GRIK2: variants seen among roughly 807,000 people sequenced by gnomAD.
The protein encoded by GRIK2 is glutamate receptor ionotropic, kainate 2.
Under a neutral mutation model 100.3 loss-of-function variants are expected in GRIK2, and 32 were observed. That is an observed-to-expected ratio of 0.32 (90% CI 0.24 to 0.43). GRIK2 has a LOEUF of 0.43. Among genes scored for constraint, GRIK2 ranks in the 20% least tolerant of loss-of-function variants. GRIK2 has a pLI of 1.00. For missense variants in GRIK2, 843 were observed against 1,114.9 expected, an observed-to-expected ratio of 0.76 and a Z score of 3.47; for synonymous variants, 417 against 389.4, an observed-to-expected ratio of 1.07 and a Z score of -0.83.
chr6:101,422,503 G>T (rs1485239293), intron 2 of GRIK2, among the ~76,000 whole-genome samples: 1 of 151,992 alleles, frequency 6.6e-6, no homozygotes, highest in Non-Finnish European at 1.5e-5. Context: ...GCATCATTAT[G>T]GTTCTGATTC....
intron 7 of GRIK2, among the ~76,000 whole-genome samples, chr6:101,695,103 C>T (rs1772386011): frequency 6.6e-6 from 1 of 151,882 alleles, no homozygotes; most frequent in African/African-American, 2.4e-5. Context: ...ATACCTAAGA[C>T]TAGATAATTA....
At chr6:101,488,887 T>C (rs904271873) in intron 2 of GRIK2, among the ~76,000 whole-genome samples, 6 of 145,884 alleles carry the variant, frequency 4.1e-5, no homozygotes, top group Non-Finnish European at 1.5e-5. Flanking sequence ...ACTATTGGAG[T>C]TTTCTTTATA....
intron 7 of GRIK2, among the ~76,000 whole-genome samples, chr6:101,692,674 A>T (rs1451128021): frequency 3.9e-5 from 6 of 152,042 alleles, no homozygotes; most frequent in African/African-American, 1.4e-4. Flanking sequence ...ATAGCAAGAG[A>T]CACACATATA....
chr6:102,035,633 T>C (rs2114428020), intron 15 of GRIK2, 67 bp downstream of exon 15: 3 of 913,056 alleles, frequency 3.3e-6, no homozygotes, highest in East Asian at 2.4e-5. Context: ...AGGGGAAAAA[T>C]AGTGTGTCCA....
intron 14 of GRIK2, among the ~76,000 whole-genome samples, chr6:101,954,905 T>A (rs753142666): frequency 6.6e-6 from 1 of 152,176 alleles, no homozygotes; most frequent in African/African-American, 2.4e-5. Context: ...TGCTTTTCAA[T>A]CACTCCAGAG....
At chr6:101,760,970 T>C (rs1291510761) in intron 7 of GRIK2, among the ~76,000 whole-genome samples, 2 of 151,912 alleles carry the variant, frequency 1.3e-5, no homozygotes, top group Admixed American at 1.3e-4. Context: ...GTAATAAGAA[T>C]CAAATGTCAG....
intron 7 of GRIK2, among the ~76,000 whole-genome samples, chr6:101,700,344 G>A (rs924854884): frequency 1.3e-5 from 2 of 151,614 alleles, no homozygotes; most frequent in African/African-American, 2.4e-5. Flanking sequence ...GAATTTGGGG[G>A]AAGATAGGGC....
chr6:102,031,513 T>C (rs1207271567), intron 14 of GRIK2, among the ~76,000 whole-genome samples: 2 of 151,406 alleles, frequency 1.3e-5, no homozygotes, highest in African/African-American at 4.8e-5. Context: ...TGTGCAGTTT[T>C]GTTACATGGG....
chr6:101,428,777 G>A (rs2128242196), intron 2 of GRIK2, among the ~76,000 whole-genome samples: 1 of 152,246 alleles, frequency 6.6e-6, no homozygotes, highest in East Asian at 1.9e-4. Flanking sequence ...CTCTCCTAAG[G>A]AACGTTAAGT....
chr6:101,872,449 C>A (rs1785489014), intron 11 of GRIK2, among the ~76,000 whole-genome samples: 1 of 151,900 alleles, frequency 6.6e-6, no homozygotes, highest in South Asian at 2.1e-4. Flanking sequence ...ACCATCAGAT[C>A]ATGAGAACTC....
At chr6:101,604,877 C>A (rs1484234445) in intron 2 of GRIK2, among the ~76,000 whole-genome samples, 4 of 151,840 alleles carry the variant, frequency 2.6e-5, no homozygotes, top group African/African-American at 4.8e-5. Flanking sequence ...GTCCCCAAAC[C>A]AGCAGGTAGC....
chr6:101,867,917 C>A (rs747265669), intron 11 of GRIK2, among the ~76,000 whole-genome samples: 12 of 151,448 alleles, frequency 7.9e-5, no homozygotes, highest in Non-Finnish European at 1.8e-4. Flanking sequence ...GCAATTGTAT[C>A]ATGAATTATT....
chr6:101,503,845 G>A (rs1470269805), intron 2 of GRIK2, among the ~76,000 whole-genome samples: 1 of 152,074 alleles, frequency 6.6e-6, no homozygotes, highest in African/African-American at 2.4e-5. Flanking sequence ...AGAACACTAG[G>A]ATAGATTGTA....
chr6:101,649,742 T>G (rs1781701400), intron 4 of GRIK2, among the ~76,000 whole-genome samples: 3 of 152,202 alleles, frequency 2.0e-5, no homozygotes, highest in African/African-American at 7.2e-5. Flanking sequence ...TTACTGTGCT[T>G]CAGGGTAGAG....
intron 2 of GRIK2, among the ~76,000 whole-genome samples, chr6:101,413,278 G>T (rs1775966307): frequency 2.0e-5 from 3 of 151,900 alleles, no homozygotes; most frequent in Non-Finnish European, 4.4e-5. Context: ...CTCTTTGTGT[G>T]TTGGGGGTGT....
chr6:101,957,408 A>G (rs549958331), intron 14 of GRIK2, among the ~76,000 whole-genome samples: 1 of 151,888 alleles, frequency 6.6e-6, no homozygotes, highest in African/African-American at 2.4e-5. Context: ...TCACACACAT[A>G]GTTTTCAAAC....
At chr6:101,844,247 C>T (rs1783680918) in intron 10 of GRIK2, among the ~76,000 whole-genome samples, 1 of 151,872 alleles carries the variant, frequency 6.6e-6, no homozygotes, top group Non-Finnish European at 1.5e-5. Flanking sequence ...ACAATAGTCC[C>T]CTCAATTCTG....
At chr6:101,614,265 T>G (rs1362513375) in intron 2 of GRIK2, among the ~76,000 whole-genome samples, 2 of 151,776 alleles carry the variant, frequency 1.3e-5, no homozygotes, top group African/African-American at 2.4e-5. Flanking sequence ...GTATTGGGGT[T>G]TTATTTCTTC....
intron 12 of GRIK2, among the ~76,000 whole-genome samples, chr6:101,913,945 T>C (rs1582523548): frequency 6.6e-6 from 1 of 151,588 alleles, no homozygotes; most frequent in Non-Finnish European, 1.5e-5. Context: ...TATTGGTTTC[T>C]TGCAGATTCT....
Sources: gnomAD v4.1 joint callset for allele counts (sites outside exome capture counted in the v4.1 genomes callset) on GRCh38, gnomAD v4.1.1 for gene constraint, MANE v1.5 for transcripts, NCBI Gene and HGNC (gene_info 2026-07-23, HGNC 2026-07-21) for gene names.